GLDN: variants seen among roughly 807,000 people sequenced by gnomAD.
GLDN encodes collomin.
Under a neutral mutation model 56.5 loss-of-function variants are expected in GLDN, and 47 were observed. The ratio of observed to expected loss-of-function variants is 0.83; its 90% CI spans 0.66 to 1.06. GLDN has a LOEUF of 1.06. Among genes scored for constraint, GLDN ranks in the 50% least tolerant of loss-of-function variants. The pLI is 0.00. For missense variants in GLDN, 782 were observed against 714.3 expected (o/e 1.09, Z -1.08); for synonymous variants, 332 against 278.8 (o/e 1.19, Z -1.90).
intron 2 of GLDN, among the ~76,000 whole-genome samples, chr15:51,381,203 C>T (rs143947364): frequency 1.2e-4 from 18 of 152,350 alleles, no homozygotes; most frequent in African/African-American, 4.3e-4. Context: ...CTCTCACCAA[C>T]AGTACTGATG....
chr15:51,350,868 A>T (rs1192825508), intron 1 of GLDN, among the ~76,000 whole-genome samples: 1 of 152,180 alleles, frequency 6.6e-6, no homozygotes, highest in African/African-American at 2.4e-5. Context: ...AATGGCATGA[A>T]ACCATCAGGA....
chr15:51,355,973 C>T (rs1412463213), intron 1 of GLDN, among the ~76,000 whole-genome samples: 2 of 149,824 alleles, frequency 1.3e-5, no homozygotes, highest in African/African-American at 2.4e-5. Context: ...TTTGGGAGGC[C>T]AAGGCGGGCG....
chr15:51,376,909 C>T (rs2037643563), intron 1 of GLDN, among the ~76,000 whole-genome samples: 1 of 152,128 alleles, frequency 6.6e-6, no homozygotes, highest in African/African-American at 2.4e-5. Flanking sequence ...TGGAATACCT[C>T]CTGAAGACCT....
At chr15:51,376,263 A>C (rs2037629093) in intron 1 of GLDN, among the ~76,000 whole-genome samples, 1 of 152,268 alleles carries the variant, frequency 6.6e-6, no homozygotes, top group Admixed American at 6.5e-5. Flanking sequence ...AAACCTGTAC[A>C]ACATGTTACA....
rs749505021 is a variant in GLDN, at chr15:51,397,543, A to G, written c.762A>G (p.Gly254=). ...PGPPGPPGPP[G]SRRAKGPRQP... ...CTCCAGGTCCTCCAGGGCCCCCTGG[A>G]AGCAGAAGAGCCAAAGGCCCTCGGC... Residue 254 remains glycine (G), a synonymous_variant, in exon 6 of 10, where the codon GGA becomes GGG. Coordinates refer to ENST00000335449, the MANE Select transcript of GLDN (RefSeq NM_181789.4). 6.2e-7 allele frequency: 1 copy of G among 1,602,280 alleles called. No individual in the cohort carries two copies. Among genetic ancestry groups the G allele is most frequent in the Non-Finnish European group, 8.5e-7 (1 of 1,173,600 alleles).
chr15:51,396,780 T>C (rs2038138148), intron 5 of GLDN, among the ~76,000 whole-genome samples: 3 of 152,136 alleles, frequency 2.0e-5, no homozygotes, highest in Non-Finnish European at 2.9e-5. Context: ...GTGCCTATTG[T>C]TTACCAGGCA....
chr15:51,391,365 G>C (rs1348489741), intron 4 of GLDN, among the ~76,000 whole-genome samples: 2 of 152,228 alleles, frequency 1.3e-5, no homozygotes, highest in Admixed American at 6.5e-5. Context: ...GCAGAAGGCT[G>C]TTTGTGACTA....
chr15:51,389,010 A>T (rs1429201329), intron 4 of GLDN, among the ~76,000 whole-genome samples: 1 of 152,140 alleles, frequency 6.6e-6, no homozygotes, highest in East Asian at 1.9e-4. Context: ...GAGACAGTTG[A>T]TTTTTGTCCC....
chr15:51,362,207 G>A (rs904195754), intron 1 of GLDN, among the ~76,000 whole-genome samples: 6 of 152,088 alleles, frequency 3.9e-5, no homozygotes, highest in Non-Finnish European at 7.4e-5. Flanking sequence ...GGTCAGGGCC[G>A]GGCATGGTGG....
intron 8 of GLDN, among the ~76,000 whole-genome samples, chr15:51,401,036 G>T (rs1341590593): frequency 6.6e-6 from 1 of 152,176 alleles, no homozygotes; most frequent in Admixed American, 6.5e-5. Flanking sequence ...TAGTAACAGC[G>T]GCCTCATTAA....
chr15:51,400,442 T>C lies in GLDN; in HGVS notation c.971T>C (p.Ile324Thr). Residue 324 changes from isoleucine (I) to threonine (T), a missense_variant, in exon 8 of 10, where the codon ATA (isoleucine) becomes ACA (threonine). Physicochemically the swap from Ile to Thr is moderately conservative, Grantham distance 89 (BLOSUM62 -1). Coordinates refer to ENST00000335449, the MANE Select transcript of GLDN (RefSeq NM_181789.4). ...GTGACAGAGACATTTGGGACTTGGA[T>C]AAGAGAGTCTGCTAACAAGAGTGAT... is the stretch of plus-strand genomic sequence containing the variant. ...LKVTETFGTW[I>T]RESANKSDDR... The C allele has an allele frequency of 6.2e-7, 1 of 1,614,196 alleles. No individual in the cohort carries two copies. Among genetic ancestry groups the C allele is most frequent in the East Asian group, 2.2e-5 (1 of 44,888 alleles).
At position 51,397,607 on chromosome 15, in the gene GLDN, C is replaced by T; in HGVS notation, c.817+9C>T. 1.3e-6 allele frequency: 2 copies of T among 1,575,402 alleles called. No homozygotes were observed. Among genetic ancestry groups the T allele is most frequent in the Admixed American group, 1.8e-5 (1 of 56,868 alleles). On this transcript the variant is annotated intron_variant, in intron 6 of 9. Transcript: ENST00000335449. ...CAACGGCCAGTGCCCAGGTCACCAC[C>T]TCTCCCCTACGGGGCCCACCTCTTC...
chr15:51,374,883 G>A (rs2037598515), intron 1 of GLDN, among the ~76,000 whole-genome samples: 1 of 151,538 alleles, frequency 6.6e-6, no homozygotes, highest in Non-Finnish European at 1.5e-5. Flanking sequence ...GATTATATAT[G>A]CATGCCACTA....
downstream of GLDN, among the ~76,000 whole-genome samples, chr15:51,408,687 C>T (rs550397424): frequency 2.0e-5 from 3 of 152,328 alleles, no homozygotes; most frequent in South Asian, 2.1e-4. Flanking sequence ...GTCCACCCCA[C>T]CATCCCATGA....
intron 1 of GLDN, among the ~76,000 whole-genome samples, chr15:51,346,168 G>C (rs2141045114): frequency 6.6e-6 from 1 of 150,594 alleles, no homozygotes; most frequent in South Asian, 2.1e-4. Context: ...ACTATCAATA[G>C]ATTTTTTTTT....
chr15:51,379,461 T>C (rs1446958136), intron 2 of GLDN, among the ~76,000 whole-genome samples: 5 of 152,252 alleles, frequency 3.3e-5, no homozygotes, highest in African/African-American at 2.4e-5. Context: ...CCAGTTATGA[T>C]ACGTGTCTCT....
chr15:51,386,284 G>T (rs757777742), intron 4 of GLDN, among the ~76,000 whole-genome samples: 1 of 152,160 alleles, frequency 6.6e-6, no homozygotes, highest in Admixed American at 6.5e-5. Context: ...GGAAGTGGGA[G>T]ACTAACCACC....
chr15:51,387,371 G>A (rs2037920148), intron 4 of GLDN, among the ~76,000 whole-genome samples: 3 of 152,326 alleles, frequency 2.0e-5, no homozygotes, highest in Admixed American at 6.5e-5. Context: ...AACATGAGAT[G>A]TATGTTTGAA....
intron 1 of GLDN, among the ~76,000 whole-genome samples, chr15:51,362,450 A>G (rs1444396891): frequency 6.7e-6 from 1 of 150,284 alleles, no homozygotes. Flanking sequence ...GTGCCACTGC[A>G]CTTCAGCCTG....
Sources: allele counts gnomAD v4.1 joint callset (sites outside exome capture counted in the v4.1 genomes callset), GRCh38; gene constraint gnomAD v4.1.1; transcripts MANE v1.5; gene names NCBI Gene and HGNC (gene_info 2026-07-23, HGNC 2026-07-21).